Variants in ATP2B2 observed in about 807,000 individuals in gnomAD.
ATP2B2 encodes ATPase plasma membrane Ca2+ transporting 2.
ATP2B2 carries 15 observed loss-of-function variants against 120.0 expected under a neutral mutation model. That is an observed-to-expected ratio of 0.12 (90% CI 0.08 to 0.19). The LOEUF (loss-of-function observed/expected upper bound fraction) is 0.19. Ranked by LOEUF, ATP2B2 falls within the 10% of genes least tolerant of loss-of-function variation. The pLI is 1.00. For synonymous variants in ATP2B2, 694 were observed against 700.3 expected (o/e 0.99, Z 0.14); for missense variants, 1,045 against 1,719.8 (o/e 0.61, Z 6.94).
intron 1 of ATP2B2, among the ~76,000 whole-genome samples, chr3:10,630,062 C>T (rs775734146): frequency 4.9e-4 from 75 of 152,224 alleles, no homozygotes; most frequent in Non-Finnish European, 8.1e-4. Flanking sequence ...CGTTGCTCTT[C>T]GCCTGCTGAT....
intron 1 of ATP2B2, among the ~76,000 whole-genome samples, chr3:10,472,937 T>C (rs1280076045): frequency 6.6e-6 from 1 of 152,240 alleles, no homozygotes; most frequent in Admixed American, 6.5e-5. Flanking sequence ...GGTCCCATTT[T>C]ACAAAGGAGG....
In ATP2B2 at chr3:10,449,653, T is replaced by C; in HGVS notation, c.-110A>G. 1 of 1,414,332 alleles carries C rather than the reference T, an allele frequency of 7.1e-7. No individual in the cohort carries two copies. 87.6% of individuals were successfully genotyped at this position (1,414,332 alleles called of 1,614,324 possible). A position where few individuals can be genotyped will look rare whatever the true frequency, so the allele number is the denominator to read the frequency against. On this transcript the variant is annotated 5_prime_UTR_variant, in exon 2 of 23. Coordinates refer to ENST00000360273, the MANE Select transcript of ATP2B2 (RefSeq NM_001001331.4). Reference sequence around the variant, plus strand: ...TCAGCACACCCTCACTGGTCAGCTGTGGCACCAGGCGGCCGACTCCGGGTC... The same window carrying C: ...TCAGCACACCCTCACTGGTCAGCTGCGGCACCAGGCGGCCGACTCCGGGTC...
chr3:10,482,846 C>T (rs2065469322), intron 1 of ATP2B2, among the ~76,000 whole-genome samples: 1 of 152,258 alleles, frequency 6.6e-6, no homozygotes, highest in African/African-American at 2.4e-5. Flanking sequence ...CCACCGCTCC[C>T]AGCCCTGTTG....
At chr3:10,656,108 G>A (rs557606486) in intron 1 of ATP2B2, among the ~76,000 whole-genome samples, 32 of 152,306 alleles carry the variant, frequency 2.1e-4, no homozygotes, top group African/African-American at 7.7e-4. Flanking sequence ...TTATTTCAGA[G>A]GCAGTGGGGA....
intron 12 of ATP2B2, among the ~76,000 whole-genome samples, chr3:10,361,314 G>A (rs11712023): frequency 0.35 from 52,678 of 152,100 alleles, 10,207 homozygotes; most frequent in East Asian, 0.55. Flanking sequence ...CACCATGCCC[G>A]GCTGTAACTG....
At chr3:10,702,341 C>T (rs1199347699) in intron 1 of ATP2B2, among the ~76,000 whole-genome samples, 2 of 152,266 alleles carry the variant, frequency 1.3e-5, no homozygotes, top group Middle Eastern at 3.4e-3. Context: ...AAGTGCTTAC[C>T]GCGTGTGCCA....
At chr3:10,406,622 T>C (rs2062421505) in intron 3 of ATP2B2, among the ~76,000 whole-genome samples, 1 of 152,204 alleles carries the variant, frequency 6.6e-6, no homozygotes. Flanking sequence ...CATCTAGGTA[T>C]GTGTAAGCAC....
At chr3:10,665,464 C>A (rs567195935) in intron 1 of ATP2B2, among the ~76,000 whole-genome samples, 1 of 152,284 alleles carries the variant, frequency 6.6e-6, no homozygotes, top group East Asian at 1.9e-4. Context: ...TCAGCAAGCA[C>A]AACTTGACAC....
At chr3:10,642,247 C>T (rs972359334) in intron 1 of ATP2B2, among the ~76,000 whole-genome samples, 1 of 152,170 alleles carries the variant, frequency 6.6e-6, no homozygotes, top group Non-Finnish European at 1.5e-5. Context: ...AGTAGGGTTT[C>T]GAGGATTAGA....
chr3:10,613,549 A>T (rs970896543), intron 2 of ATP2B2, among the ~76,000 whole-genome samples: 2 of 152,078 alleles, frequency 1.3e-5, no homozygotes, highest in Non-Finnish European at 2.9e-5. Flanking sequence ...CATTGGTGTC[A>T]AAACACACCC....
intron 1 of ATP2B2, among the ~76,000 whole-genome samples, chr3:10,660,738 A>G (rs2070757752): frequency 6.6e-6 from 1 of 152,236 alleles, no homozygotes; most frequent in Non-Finnish European, 1.5e-5. Flanking sequence ...ATCCTCCCTA[A>G]CTAATTTTAT....
chr3:10,431,208 T>C (rs565781309), intron 2 of ATP2B2, among the ~76,000 whole-genome samples: 3 of 152,304 alleles, frequency 2.0e-5, no homozygotes, highest in Admixed American at 1.3e-4. Context: ...TTCCATACCT[T>C]AGTTGATTGA....
rs183210775 is a variant in ATP2B2, at chr3:10,329,650, G to A, written c.3421-525C>T. ...CAGAAAAGGCACAGAAAGGAGAGAC[G>A]GTTGGATGAGTTGGGATGAGAGAGA... is the stretch of plus-strand genomic sequence containing the variant. On this transcript the variant is annotated intron_variant, in intron 22 of 22. Coordinates refer to ENST00000360273, the MANE Select transcript of ATP2B2 (RefSeq NM_001001331.4). The surrounding 1 kb of genome is among the most constrained non-coding windows in gnomAD (Gnocchi z 5.9). Among the ~76,000 whole-genome samples, 1 of 152,076 alleles carries A rather than the reference G, an allele frequency of 6.6e-6. No individual in the cohort carries two copies. The highest frequency in any genetic ancestry group is 2.4e-5 in the African/African-American group (1 of 41,388).
intron 2 of ATP2B2, among the ~76,000 whole-genome samples, chr3:10,579,640 C>G (rs2068337980): frequency 1.3e-5 from 2 of 152,128 alleles, no homozygotes; most frequent in South Asian, 2.1e-4. Flanking sequence ...AAAACCCTGT[C>G]TCTACTAAAA....
rs559804929 is a variant in ATP2B2, at chr3:10,527,166, T to A, written c.-320+6873A>T. On this transcript the variant is annotated intron_variant, in intron 3 of 21. Transcript: ENST00000646379. Reference sequence around the variant, plus strand: ...TCTGAGCTGGGCAGGTAGTTTTCCTTCCAGCATCAACCTTGCTGCCTCTGA... The same window carrying A: ...TCTGAGCTGGGCAGGTAGTTTTCCTACCAGCATCAACCTTGCTGCCTCTGA... Among the ~76,000 whole-genome samples, 121 of 152,322 alleles carry A rather than the reference T, an allele frequency of 7.9e-4. 1 individual carries two copies. The highest frequency in any genetic ancestry group is 2.8e-3 in the African/African-American group (115 of 41,576).
chr3:10,672,950 G>A (rs1398217030), intron 1 of ATP2B2, among the ~76,000 whole-genome samples: 2 of 152,158 alleles, frequency 1.3e-5, no homozygotes, highest in South Asian at 2.1e-4. Context: ...GAGAACACCC[G>A]CTGTGACACC....
chr3:10,345,543 G>A lies in ATP2B2; in HGVS notation c.2544C>T (p.Ala848=). ...TGTCGTCTGTCAGGATGATGTCTGAGGCCTCCTTGGCCACGTCAGTGCCTG... is the reference window on the plus strand; with the variant it reads ...TGTCGTCTGTCAGGATGATGTCTGAAGCCTCCTTGGCCACGTCAGTGCCTG... ...GIAGTDVAKE[A]SDIILTDDNF... is the part of the protein sequence containing the mutation. The change falls in exon 18 of 23, where the codon GCC becomes GCT. Residue 848 remains alanine (A), a synonymous_variant. Transcript: ENST00000360273. The A allele has an allele frequency of 6.2e-7, 1 of 1,614,172 alleles. No homozygotes were observed. The highest frequency in any genetic ancestry group is 8.5e-7 in the Non-Finnish European group (1 of 1,180,016).
intron 18 of ATP2B2, among the ~76,000 whole-genome samples, chr3:10,344,280 G>C (rs2060366456): frequency 1.3e-5 from 2 of 152,150 alleles, no homozygotes; most frequent in South Asian, 4.2e-4. Context: ...AAGACCTTCT[G>C]GTTTCCAAGT....
At chr3:10,687,274 C>T (rs1318066699) in intron 1 of ATP2B2, among the ~76,000 whole-genome samples, 1 of 152,108 alleles carries the variant, frequency 6.6e-6, no homozygotes, top group Non-Finnish European at 1.5e-5. Flanking sequence ...CAAAGTGTTG[C>T]TGTGAGGATT....
Sources: allele counts gnomAD v4.1 joint callset (sites outside exome capture counted in the v4.1 genomes callset), GRCh38; gene constraint gnomAD v4.1.1; non-coding constraint Gnocchi (gnomAD v3.1); transcripts MANE v1.5; gene names NCBI Gene and HGNC (gene_info 2026-07-23, HGNC 2026-07-21).